AGL: variants seen among roughly 807,000 people sequenced by gnomAD.
The protein encoded by AGL is amylo-alpha-1,6-glucosidase and 4-alpha-glucanotransferase.
AGL carries 128 observed loss-of-function variants against 199.3 expected under a neutral mutation model. The observed-to-expected ratio is 0.64, with a 90% CI of 0.56 to 0.74. The LOEUF (loss-of-function observed/expected upper bound fraction) is 0.74, where lower values mean the gene tolerates loss of function less well. Among genes scored for constraint, AGL ranks in the 30% least tolerant of loss-of-function variants. AGL has a pLI of 0.00. For synonymous variants in AGL, 584 were observed against 594.7 expected (o/e 0.98, Z 0.26); for missense variants, 1,809 against 1,820.8 (o/e 0.99, Z 0.12).
intron 27 of AGL, among the ~76,000 whole-genome samples, chr1:99,905,300 G>C (rs1170047280): frequency 1.3e-5 from 2 of 152,102 alleles, no homozygotes; most frequent in African/African-American, 4.8e-5. Context: ...GGGTTCAAAC[G>C]ATTCTTGTAC....
intron 33 of AGL, among the ~76,000 whole-genome samples, chr1:99,921,106 A>C (rs1655481389): frequency 1.3e-5 from 2 of 152,178 alleles, no homozygotes; most frequent in Admixed American, 1.3e-4. Context: ...AGTAGAAAGT[A>C]TTCTGGAATG....
At chr1:99,874,485 T>A in intron 7 of AGL, 1 of 561,202 alleles carries the variant, frequency 1.8e-6, no homozygotes, top group Non-Finnish European at 3.2e-6. Flanking sequence ...CCCACACCCC[T>A]CGTGTGTGTT....
intron 13 of AGL, 96 bp downstream of exon 13, chr1:99,880,142 T>G: frequency 6.6e-7 from 1 of 1,513,330 alleles, no homozygotes; most frequent in Non-Finnish European, 9.1e-7. Flanking sequence ...TTAATAATTT[T>G]TTAACACAGT....
intron 26 of AGL, among the ~76,000 whole-genome samples, chr1:99,901,984 A>G (rs1653876651): frequency 6.6e-6 from 1 of 152,114 alleles, no homozygotes; most frequent in East Asian, 1.9e-4. Flanking sequence ...CAGTTTATCC[A>G]AAAATATTCA....
intron 2 of AGL, 80 bp downstream of exon 2, chr1:99,851,204 A>G: frequency 7.7e-7 from 1 of 1,305,796 alleles, no homozygotes; most frequent in Non-Finnish European, 1.1e-6. Context: ...AAATGTTTTA[A>G]AGCTCTAAGA....
At chr1:99,855,454 A>T (rs1475947858) in intron 2 of AGL, among the ~76,000 whole-genome samples, 3 of 152,174 alleles carry the variant, frequency 2.0e-5, no homozygotes, top group Non-Finnish European at 4.4e-5. Flanking sequence ...GATCTTTTCT[A>T]GACAAATCAT....
At chr1:99,882,291 A>C (rs1652103888) in intron 17 of AGL, among the ~76,000 whole-genome samples, 3 of 152,140 alleles carry the variant, frequency 2.0e-5, no homozygotes, top group East Asian at 3.8e-4. Flanking sequence ...TAAAATGAAC[A>C]TTTATTTCTC....
rs1485480031 is a variant in AGL at position 99,861,133 on chromosome 1, G to C, written c.83-370G>C. 3 of 1,073,774 alleles carry C rather than the reference G, an allele frequency of 2.8e-6. No homozygotes were observed. In the African/African-American group the frequency reaches 5.1e-5, roughly 18 times the overall value. The allele number at this position is 1,073,774 out of a possible 1,614,324, so 66.5% of individuals were successfully genotyped here. ...CTCTGTTGCAGTTAGAAAAATACTA[G>C]AGAAGGTCTCTCCTCAGATGCCTGC... On this transcript the variant is annotated intron_variant, in intron 2 of 33. Transcript: ENST00000361915.
chr1:99,854,286 T>C (rs542026943), intron 2 of AGL, among the ~76,000 whole-genome samples: 28 of 152,260 alleles, frequency 1.8e-4, no homozygotes, highest in Non-Finnish European at 3.2e-4. Flanking sequence ...ACTAGAACTC[T>C]AGTTAAAACT....
At position 99,875,211 on chromosome 1, in the gene AGL, A is replaced by G. The variant is rs1361797793; in HGVS notation, c.1140A>G (p.Glu380=). ...CCNWFHKRME[E]LNSEKHRLIN... is the part of the protein sequence containing the mutation. ...ATTGGTTTCATAAAAGAATGGAGGA[A>G]TTAAATTCAGAGAAGCATCGACTCA... is the stretch of plus-strand genomic sequence containing the variant. The change falls in exon 9 of 34, where the codon GAA becomes GAG. Residue 380 remains glutamate (E), a synonymous_variant. Transcript: ENST00000361915. 8 of 1,614,186 alleles carry G rather than the reference A, an allele frequency of 5.0e-6. No individual in the cohort carries two copies. The highest frequency in any genetic ancestry group is 6.8e-6 in the Non-Finnish European group (8 of 1,180,002).
intron 10 of AGL, 31 bp from the exon 11 acceptor site, chr1:99,876,427 A>G: frequency 6.8e-7 from 1 of 1,464,864 alleles, no homozygotes; most frequent in Non-Finnish European, 9.4e-7. Flanking sequence ...GTTTCTTTGT[A>G]TGGATTTAAT....
In AGL at chr1:99,884,586, A is replaced by G. The variant is rs754642543; in HGVS notation, c.2564A>G (p.His855Arg). The G allele has an allele frequency of 1.2e-6, 2 of 1,614,028 alleles. No individual in the cohort carries two copies. Among genetic ancestry groups the G allele is most frequent in the South Asian group, 2.2e-5 (2 of 91,076 alleles). Residue 855 changes from histidine to arginine, a missense_variant, in exon 20 of 34, where the codon CAT becomes CGT. By Grantham distance (29) the His-to-Arg change is conservative. Coordinates refer to ENST00000361915, the MANE Select transcript of AGL (RefSeq NM_000642.3). ...ATTTTCAGAGTTAGTCTTGATCCACATGCACAAGTCGCTGTTGGAATTCTT... is the reference window on the plus strand; with the variant it reads ...ATTTTCAGAGTTAGTCTTGATCCACGTGCACAAGTCGCTGTTGGAATTCTT... ...VIIFRVSLDP[H>R]AQVAVGILRN...
chr1:99,916,612 T>C lies in AGL; in HGVS notation c.4362T>C (p.Pro1454=), dbSNP rs886044922. ...ATCTTTTTTAGGAGTGGCTGTGGCC[T>C]ATTGGGTATTTTCTTCGTGCAAAAT... ...NYHQGPEWLW[P]IGYFLRAKLY... The change falls in exon 33 of 34, where the codon CCT becomes CCC. Residue 1454 remains proline, a synonymous_variant. Coordinates refer to ENST00000361915, the MANE Select transcript of AGL (RefSeq NM_000642.3). 1 of 1,613,260 alleles carries C rather than the reference T, an allele frequency of 6.2e-7. No individual in the cohort carries two copies. The highest frequency in any genetic ancestry group is 8.5e-7 in the Non-Finnish European group (1 of 1,179,602).
At chr1:99,898,419 G>A (rs979416465) in intron 25 of AGL, among the ~76,000 whole-genome samples, 6 of 152,020 alleles carry the variant, frequency 3.9e-5, no homozygotes, top group African/African-American at 1.5e-4. Context: ...ATTCATATAT[G>A]TCCCACAAAG....
At chr1:99,882,448 A>G (rs1267188247) in intron 17 of AGL, among the ~76,000 whole-genome samples, 1 of 152,162 alleles carries the variant, frequency 6.6e-6, no homozygotes, top group Non-Finnish European at 1.5e-5. Context: ...GCTTTTCATA[A>G]TCCATTCTCA....
At chr1:99,873,850 CATT>C (rs1378748809) in intron 7 of AGL, among the ~76,000 whole-genome samples, 4 of 152,102 alleles carry the variant, frequency 2.6e-5, no homozygotes, top group Admixed American at 2.6e-4. Flanking sequence ...CTATGAAACC[CATT>C]ATTTTGTTTT....
At chr1:99,899,094 T>C (rs952842696) in intron 25 of AGL, among the ~76,000 whole-genome samples, 4 of 150,790 alleles carry the variant, frequency 2.7e-5, no homozygotes, top group Non-Finnish European at 5.9e-5. Context: ...TATATGTATA[T>C]ATAGAGAGAG....
chr1:99,916,739 A>G lies in AGL; in HGVS notation c.4481+8A>G. On this transcript the variant is annotated splice_region_variant and intron_variant, in intron 33 of 33. Transcript: ENST00000361915. ...TTATGTTCATCTTGAGAGGTAAGTC[A>G]TCAGGAGCATGTAATTTCCATAACT... is the stretch of plus-strand genomic sequence containing the variant. 1 of 1,612,368 alleles carries G rather than the reference A, an allele frequency of 6.2e-7. No individual in the cohort carries two copies. The highest frequency in any genetic ancestry group is 1.3e-5 in the African/African-American group (1 of 75,002).
At chr1:99,857,846 G>GAGGGGT (rs1649681943) in intron 2 of AGL, among the ~76,000 whole-genome samples, 1 of 112,736 alleles carries the variant, frequency 8.9e-6, no homozygotes. Flanking sequence ...GGGGGAGGGG[G>GAGGGGT]AGGGGGGAAG....
Sources: allele counts gnomAD v4.1 joint callset (sites outside exome capture counted in the v4.1 genomes callset), GRCh38; gene constraint gnomAD v4.1.1; transcripts MANE v1.5; gene names NCBI Gene and HGNC (gene_info 2026-07-23, HGNC 2026-07-21).